The following ADAMTS15 variants were observed in gnomAD, a reference collection of about 807,000 sequenced individuals.
The protein encoded by ADAMTS15 is A disintegrin and metalloproteinase with thrombospondin motifs 15.
A neutral mutation model predicts 79.1 loss-of-function variants in ADAMTS15; 35 were observed. The ratio of observed to expected loss-of-function variants is 0.44; its 90% CI spans 0.34 to 0.59. The LOEUF is 0.59. Ranked by LOEUF, ADAMTS15 falls within the 20% of genes least tolerant of loss-of-function variation. The pLI is 0.02. For synonymous variants in ADAMTS15, 616 were observed against 567.3 expected, an observed-to-expected ratio of 1.09 and a Z score of -1.22; for missense variants, 1,324 against 1,318.7, an observed-to-expected ratio of 1.00 and a Z score of -0.06.
rs770976047 is a variant in ADAMTS15 at position 130,471,310 on chromosome 11, T to C, written c.2005T>C (p.Phe669Leu). Residue 669 changes from phenylalanine (F) to leucine (L), a missense_variant, in exon 7 of 8, where the codon TTC becomes CTC. Coordinates refer to ENST00000299164, the MANE Select transcript of ADAMTS15 (RefSeq NM_139055.4). ...TGGGAACCTGGGCTCCAAGAAGAGATTCGACAAGTGTGGGGTGTGTGGGGG... is the reference window on the plus strand; with the variant it reads ...TGGGAACCTGGGCTCCAAGAAGAGACTCGACAAGTGTGGGGTGTGTGGGGG... ...CDGNLGSKKRFDKCGVCGGDN... is the reference protein window; with the variant it reads ...CDGNLGSKKRLDKCGVCGGDN... The C allele has an allele frequency of 2.5e-6, 4 of 1,612,998 alleles. No individual in the cohort carries two copies. The highest frequency in any genetic ancestry group is 8.5e-7 in the Non-Finnish European group (1 of 1,179,778).
Position 130,472,374 on chromosome 11 carries a change from G to C in ADAMTS15, c.2079-673G>C, listed in dbSNP as rs189899923. Among the ~76,000 whole-genome samples, 1 of 152,346 alleles carries C rather than the reference G, an allele frequency of 6.6e-6. No homozygotes were observed. The highest frequency in any genetic ancestry group is 2.4e-5 in the African/African-American group (1 of 41,584). ...TCCAGGCTGTGCTTTGCAGGGACCT[G>C]TGGTGGCAAGGCCACGTGGGGAGTG... On this transcript the variant is annotated intron_variant, in intron 7 of 7. Transcript: ENST00000299164. This position sits in a 1 kb window ranked among gnomAD's most constrained non-coding sequence, Gnocchi z 4.7.
intron 1 of ADAMTS15, among the ~76,000 whole-genome samples, chr11:130,454,233 G>A (rs1037895066): frequency 2.0e-5 from 3 of 152,118 alleles, no homozygotes; most frequent in Admixed American, 6.5e-5. Flanking sequence ...GGACCATCCA[G>A]GCAGGATCTT....
At chr11:130,461,459 G>T in intron 1 of ADAMTS15, 30 bp from the exon 2 acceptor site, 2 of 1,613,654 alleles carry the variant, frequency 1.2e-6, no homozygotes, top group Non-Finnish European at 8.5e-7. Flanking sequence ...CTAACTTCGG[G>T]CTGGCTTCTG....
chr11:130,461,863 C>T (rs894884036), intron 2 of ADAMTS15, among the ~76,000 whole-genome samples: 9 of 152,114 alleles, frequency 5.9e-5, no homozygotes, highest in East Asian at 1.9e-4. Context: ...ACCATGTTAA[C>T]GACAAGGAGG....
chr11:130,455,157 C>T (rs753195514), intron 1 of ADAMTS15, among the ~76,000 whole-genome samples: 2 of 152,254 alleles, frequency 1.3e-5, no homozygotes, highest in East Asian at 1.9e-4. Context: ...ACCTCACTTA[C>T]GGGGCTGTTG....
At position 130,473,903 on chromosome 11, in the gene ADAMTS15, C is replaced by T. The variant is rs574809169; in HGVS notation, c.*82C>T. ...GCCAGCTGGAGTAGCGGGCAGAGGA[C>T]GGTGGCCAGGGGCTCACGCCACGAT... is the stretch of plus-strand genomic sequence containing the variant. On this transcript the variant is annotated 3_prime_UTR_variant, in exon 8 of 8. Transcript: ENST00000299164. The T allele has an allele frequency of 4.9e-5, 72 of 1,466,610 alleles. No individual in the cohort carries two copies. The East Asian group carries it at 7.3e-4, about 15-fold the overall frequency. The allele number at this position is 1,466,610 out of a possible 1,614,324, so 90.8% of individuals were successfully genotyped here. A position where few individuals can be genotyped will look rare whatever the true frequency, so the allele number is the denominator to read the frequency against.
chr11:130,473,461 G>C lies in ADAMTS15; in HGVS notation c.2493G>C (p.Gln831His). 6.2e-7 allele frequency: 1 copy of C among 1,612,376 alleles called. No individual in the cohort carries two copies. The highest frequency in any genetic ancestry group is 8.5e-7 in the Non-Finnish European group (1 of 1,179,696). ...LHNSVLSLSN[Q>H]VEQPDDRPPA... is the part of the protein sequence containing the mutation. ...ACAGCGTCCTCAGCCTCTCCAACCA[G>C]GTGGAGCAGCCGGACGACAGGCCCC... The change falls in exon 8 of 8, where the codon CAG (glutamine) becomes CAC (histidine). Residue 831 changes from glutamine to histidine, a missense_variant. Physicochemically the swap from Gln to His is conservative, Grantham distance 24. Coordinates refer to ENST00000299164, the MANE Select transcript of ADAMTS15 (RefSeq NM_139055.4).
chr11:130,473,534 G>A lies in ADAMTS15; in HGVS notation c.2566G>A (p.Gly856Ser), dbSNP rs1224961919. 1.2e-5 allele frequency: 19 copies of A among 1,606,268 alleles called. No homozygotes were observed. Among genetic ancestry groups the A allele is most frequent in the Non-Finnish European group, 1.4e-5 (16 of 1,175,748 alleles). Residue 856 changes from glycine (G) to serine (S), a missense_variant, in exon 8 of 8, where the codon GGC becomes AGC. Physicochemically the swap from Gly to Ser is moderately conservative, Grantham distance 56. Coordinates refer to ENST00000299164, the MANE Select transcript of ADAMTS15 (RefSeq NM_139055.4). ...CTGGGGGCCGTGCTCCGCGAGCTGC[G>A]GCAGTGGCCTGCAGAAGCGGGCGGT... Reference protein sequence around the residue: ...GSWGPCSASCGSGLQKRAVDC... With the variant: ...GSWGPCSASCSSGLQKRAVDC...
Position 130,474,021 on chromosome 11 carries a change from C to T in ADAMTS15, c.*200C>T, listed in dbSNP as rs1938525861. 4.1e-6 allele frequency: 3 copies of T among 729,556 alleles called. No individual in the cohort carries two copies. Among genetic ancestry groups the T allele is most frequent in the Non-Finnish European group, 6.5e-6 (3 of 462,386 alleles). The allele number at this position is 729,556 out of a possible 1,614,324, so 45.2% of individuals were successfully genotyped here. On this transcript the variant is annotated 3_prime_UTR_variant, in exon 8 of 8. Coordinates refer to ENST00000299164, the MANE Select transcript of ADAMTS15 (RefSeq NM_139055.4). ...GCAGAGGGAAGCCCAGGAACTCCCG[C>T]ACAGTCTACCTCAGGCCCCGCTCCT...
At chr11:130,460,218 G>A (rs777199305) in intron 1 of ADAMTS15, among the ~76,000 whole-genome samples, 3 of 151,822 alleles carry the variant, frequency 2.0e-5, no homozygotes, top group Non-Finnish European at 4.4e-5. Context: ...AATGCCTTAT[G>A]CATTAAAGGC....
At chr11:130,470,832 A>G in intron 5 of ADAMTS15, 88 bp from the exon 6 acceptor site, 1 of 1,444,976 alleles carries the variant, frequency 6.9e-7, no homozygotes, top group South Asian at 1.3e-5. Flanking sequence ...GGGCTAAGAG[A>G]GCCACGGCAG....
In ADAMTS15 at chr11:130,471,082, T is replaced by G; in HGVS notation, c.1883T>G (p.Phe628Cys). The G allele has an allele frequency of 6.2e-7, 1 of 1,613,806 alleles. No homozygotes were observed. The highest frequency in any genetic ancestry group is 8.5e-7 in the Non-Finnish European group (1 of 1,179,884). ...TGCCGAGCCAATGGCACTGGCTACT[T>G]CTATGTGCTGGCACCCAAGGTGAGT... ...LICRANGTGY[F>C]YVLAPKVVDG... Residue 628 changes from phenylalanine to cysteine, a missense_variant, in exon 6 of 8, where the codon TTC becomes TGC. By Grantham distance (205) the Phe-to-Cys change is radical. Transcript: ENST00000299164.
Position 130,452,757 on chromosome 11 carries a change from T to A in ADAMTS15, c.957+2827T>A, listed in dbSNP as rs11820164. On this transcript the variant is annotated intron_variant, in intron 1 of 7. Transcript: ENST00000299164. ...CAGCACTTTGGGAGGCCAAGACAGG[T>A]GGATCATGAGGTCAAGAGATCAAGA... 2.6e-5 allele frequency among the ~76,000 whole-genome samples: 4 copies of A among 151,972 alleles called. No homozygotes were observed. The East Asian group carries it at 7.8e-4, about 30-fold the overall frequency.
Position 130,473,792 on chromosome 11 carries a change from C to G in ADAMTS15, c.2824C>G (p.Leu942Val), listed in dbSNP as rs1191670310. ...CAACTTGCACCGCAAGCCCCAGGAG[C>G]TGGACTTCTGCGTCCTGAGGCCGTG... ...QCNLHRKPQE[L>V]DFCVLRPC Residue 942 changes from leucine to valine, a missense_variant, in exon 8 of 8, where the codon CTG (leucine) becomes GTG (valine). Physicochemically the swap from Leu to Val is conservative, Grantham distance 32. Coordinates refer to ENST00000299164, the MANE Select transcript of ADAMTS15 (RefSeq NM_139055.4). The G allele has an allele frequency of 3.1e-6, 5 of 1,598,000 alleles. No individual in the cohort carries two copies. Among genetic ancestry groups the G allele is most frequent in the Non-Finnish European group, 3.4e-6 (4 of 1,179,168 alleles).
In ADAMTS15 at chr11:130,470,212, A is replaced by ATATATACATG. The variant is rs1555081096; in HGVS notation, c.1721-702_1721-701insCATGTATATA. ...TATATATATATATATATATATATGT[A>ATATATACATG]TATATATATATATTTTCTGAGGTAG... On this transcript the variant is annotated intron_variant, in intron 5 of 7. Transcript: ENST00000299164. Among the ~76,000 whole-genome samples, 48 of 52,260 alleles carry ATATATACATG rather than the reference A, an allele frequency of 9.2e-4. 2 individuals are homozygous for ATATATACATG. Among genetic ancestry groups the ATATATACATG allele is most frequent in the African/African-American group, 2.6e-3 (23 of 8,848 alleles). 34.3% of individuals were successfully genotyped at this position (52,260 alleles called of 152,430 possible). A position where few individuals can be genotyped will look rare whatever the true frequency, so the allele number is the denominator to read the frequency against.
chr11:130,473,246 A>G lies in ADAMTS15; in HGVS notation c.2278A>G (p.Ser760Gly). The stretch of plus-strand genomic sequence containing the variant: ...GGTGAAGGGCAGTCTGCTGCGGTAC[A>G]GCGGCACGGGCACAGCGGTGGAGAG... ...LVVKGSLLRY[S>G]GTGTAVESLQ... is the part of the protein sequence containing the mutation. Residue 760 changes from serine to glycine, a missense_variant, in exon 8 of 8, where the codon AGC (serine) becomes GGC (glycine). Physicochemically the swap from Ser to Gly is moderately conservative, Grantham distance 56. Transcript: ENST00000299164. The G allele has an allele frequency of 6.2e-7, 1 of 1,613,608 alleles. No homozygotes were observed. The highest frequency in any genetic ancestry group is 8.5e-7 in the Non-Finnish European group (1 of 1,180,024).
At position 130,472,672 on chromosome 11, in the gene ADAMTS15, C is replaced by T. The variant is rs578210227; in HGVS notation, c.2079-375C>T. ...TCTGGGATGGTGGACTTACTCCTCC[C>T]GCCCCACCCCTCCTCCTCCTCCTCC... is the stretch of plus-strand genomic sequence containing the variant. On this transcript the variant is annotated intron_variant, in intron 7 of 7. Transcript: ENST00000299164. This position sits in a 1 kb window ranked among gnomAD's most constrained non-coding sequence, Gnocchi z 4.7. Among the ~76,000 whole-genome samples the T allele has an allele frequency of 8.7e-5, 13 of 150,188 alleles. No individual in the cohort carries two copies. Among genetic ancestry groups the T allele is most frequent in the Admixed American group, 1.3e-4 (2 of 15,180 alleles).
rs764868581 is a variant in ADAMTS15, at chr11:130,473,585, C to T, written c.2617C>T (p.Arg873Cys). The T allele has an allele frequency of 1.0e-5, 16 of 1,605,888 alleles. No individual in the cohort carries two copies. The highest frequency in any genetic ancestry group is 6.7e-5 in the East Asian group (3 of 44,702). ...AVDCRGSAGQ[R>C]TVPACDAAHR... ...GGACTGCCGGGGCTCCGCCGGGCAG[C>T]GCACGGTCCCTGCCTGTGATGCAGC... Residue 873 changes from arginine to cysteine, a missense_variant, in exon 8 of 8, where the codon CGC becomes TGC. By Grantham distance (180) the Arg-to-Cys change is radical. Coordinates refer to ENST00000299164, the MANE Select transcript of ADAMTS15 (RefSeq NM_139055.4).
intron 1 of ADAMTS15, among the ~76,000 whole-genome samples, chr11:130,456,370 C>G (rs1180632855): frequency 2.0e-5 from 3 of 152,152 alleles, no homozygotes; most frequent in Non-Finnish European, 2.9e-5. Context: ...TGACCTCACT[C>G]TCTTGCAGTA....
Sources: allele counts gnomAD v4.1 joint callset (sites outside exome capture counted in the v4.1 genomes callset), GRCh38; gene constraint gnomAD v4.1.1; non-coding constraint Gnocchi (gnomAD v3.1); transcripts MANE v1.5; gene names NCBI Gene and HGNC (gene_info 2026-07-23, HGNC 2026-07-21).